MASP1: variants seen among roughly 807,000 people sequenced by gnomAD.
MASP1 encodes the protein MBL associated serine protease 1, also known as mannan-binding lectin serine protease 1.
In MASP1, 59 loss-of-function variants were observed where a neutral mutation model predicts 77.1. That is an observed-to-expected ratio of 0.77 (90% confidence interval 0.62 to 0.95). The LOEUF (loss-of-function observed/expected upper bound fraction) is 0.95, where lower values mean the gene tolerates loss of function less well. Among genes scored for constraint, MASP1 ranks in the 40% least tolerant of loss-of-function variants. The pLI, the probability that MASP1 is intolerant of heterozygous loss-of-function variation, is 0.00. For synonymous variants in MASP1, 362 were observed against 354.5 expected (o/e 1.02, Z -0.24); for missense variants, 885 against 912.9 (o/e 0.97, Z 0.39).
intron 14 of MASP1, among the ~76,000 whole-genome samples, chr3:187,222,321 C>A (rs960894236): frequency 2.2e-4 from 34 of 152,268 alleles, no homozygotes; most frequent in African/African-American, 7.7e-4. Context: ...GGCCAGGGAC[C>A]AGATCTATCC....
intron 13 of MASP1, among the ~76,000 whole-genome samples, chr3:187,223,445 C>T (rs1264148374): frequency 3.3e-5 from 5 of 152,224 alleles, no homozygotes; most frequent in African/African-American, 9.7e-5. Context: ...GTCCCACCCT[C>T]AACTAGTCTG....
intron 10 of MASP1, among the ~76,000 whole-genome samples, chr3:187,236,896 C>T (rs1713234131): frequency 6.6e-6 from 1 of 152,200 alleles, no homozygotes; most frequent in Non-Finnish European, 1.5e-5. Flanking sequence ...CATCTATTTC[C>T]AGTAGTGGTC....
At chr3:187,259,107 A>G (rs775074136) in intron 4 of MASP1, among the ~76,000 whole-genome samples, 8 of 152,216 alleles carry the variant, frequency 5.3e-5, no homozygotes, top group Non-Finnish European at 8.8e-5. Flanking sequence ...CTGGGAACCC[A>G]GACGTGACTT....
rs905604454 is a variant in MASP1, at chr3:187,235,429, T to G, written c.*255A>C. The G allele has an allele frequency of 6.7e-7, 1 of 1,496,118 alleles. No individual in the cohort carries two copies. The highest frequency in any genetic ancestry group is 8.9e-7 in the Non-Finnish European group (1 of 1,122,946). The allele number at this position is 1,496,118 out of a possible 1,614,324, so 92.7% of individuals were successfully genotyped here. ...AGAGGCCTTGGTTGAGCTCCTGCAT[T>G]GTATTACTCGGTAGAGTGAGGCCCA... On this transcript the variant is annotated 3_prime_UTR_variant, in exon 11 of 11. Transcript: ENST00000296280.
At chr3:187,246,284 T>C (rs1442656792) in intron 8 of MASP1, 1 of 588,472 alleles carries the variant, frequency 1.7e-6, no homozygotes, top group East Asian at 1.4e-4. Flanking sequence ...TTACAATTAT[T>C]TGGGTACATA....
At chr3:187,222,618 A>G (rs796646392) in intron 14 of MASP1, among the ~76,000 whole-genome samples, 32 of 152,028 alleles carry the variant, frequency 2.1e-4, no homozygotes, top group African/African-American at 7.7e-4. Context: ...CTTGCTTCAG[A>G]TGACCCAGCA....
At chr3:187,271,837 T>C (rs751961625) in intron 2 of MASP1, among the ~76,000 whole-genome samples, 2 of 152,186 alleles carry the variant, frequency 1.3e-5, no homozygotes, top group Non-Finnish European at 2.9e-5. Context: ...CCCCCTTGTC[T>C]TCCCTTCATC....
chr3:187,279,072 T>G (rs1717197984), intron 2 of MASP1, among the ~76,000 whole-genome samples: 1 of 152,098 alleles, frequency 6.6e-6, no homozygotes, highest in African/African-American at 2.4e-5. Context: ...TGAAACAAGC[T>G]GCTATGAATT....
In MASP1 at chr3:187,284,369, C is replaced by T. The variant is rs114799577; in HGVS notation, c.237+1456G>A. ...ATAACTGGTGGGGCCGGGGCTGCTA[C>T]TGGCACCTAGTTAGGGTAGAAGCTA... On this transcript the variant is annotated intron_variant, in intron 2 of 10. Transcript: ENST00000296280. Among the ~76,000 whole-genome samples, 691 of 152,278 alleles carry T rather than the reference C, an allele frequency of 4.5e-3. 6 individuals are homozygous for T. Among genetic ancestry groups the T allele is most frequent in the African/African-American group, 0.016 (666 of 41,566 alleles).
At chr3:187,263,347 A>T (rs1428555138) in intron 2 of MASP1, 1 of 154,014 alleles carries the variant, frequency 6.5e-6, no homozygotes, top group Non-Finnish European at 1.4e-5. Flanking sequence ...TATTTTCTTT[A>T]TAGATGTGTC....
intron 2 of MASP1, among the ~76,000 whole-genome samples, chr3:187,277,509 T>G (rs1108450): frequency 0.21 from 31,392 of 152,166 alleles, 3,686 homozygotes; most frequent in African/African-American, 0.33. Context: ...TCAAGGACCT[T>G]CTGTTTTACT....
chr3:187,235,747 C>G lies in MASP1; in HGVS notation c.2124G>C (p.Val708=). The G allele has an allele frequency of 1.9e-6, 3 of 1,614,186 alleles. No homozygotes were observed. Among genetic ancestry groups the G allele is most frequent in the Non-Finnish European group, 2.5e-6 (3 of 1,180,032 alleles). Residue 708 remains valine (V), a synonymous_variant, in exon 11 of 11, where the codon GTG becomes GTC. Transcript: ENST00000296280. ...YGVYTKVSNY[V]DWVWEQMGLP... ...AGCCCATCTGCTCCCACACCCAGTC[C>G]ACGTAATTGGAGACCTTTGTGTAGA...
In MASP1 at chr3:187,241,531, C is replaced by T. The variant is rs1298438990; in HGVS notation, c.1253G>A (p.Gly418Glu). Residue 418 changes from glycine to glutamate, a missense_variant, in exon 10 of 11, where the codon GGA becomes GAA. By Grantham distance (98) the Gly-to-Glu change is moderately conservative. Coordinates refer to ENST00000296280, the MANE Select transcript of MASP1 (RefSeq NM_139125.4). ...NTGIYTCSAQ[G>E]VWMNKVLGRS... ...CCCCAATACTTTATTCATCCAGACT[C>T]CTTGGGCAGAACAGGTATATATACC... The T allele has an allele frequency of 2.3e-5, 37 of 1,613,538 alleles. No individual in the cohort carries two copies. The highest frequency in any genetic ancestry group is 3.1e-5 in the Non-Finnish European group (37 of 1,179,672).
downstream of MASP1, among the ~76,000 whole-genome samples, chr3:187,233,769 T>C (rs1194226138): frequency 6.6e-6 from 1 of 152,198 alleles, no homozygotes; most frequent in Non-Finnish European, 1.5e-5. Context: ...CAATGTCACA[T>C]TGGGACTAGA....
chr3:187,222,688 T>C (rs1258890230), intron 14 of MASP1, among the ~76,000 whole-genome samples: 3 of 151,862 alleles, frequency 2.0e-5, no homozygotes, highest in Non-Finnish European at 4.4e-5. Flanking sequence ...GTGTTTTTTT[T>C]TTTTTTCCTT....
downstream of MASP1, chr3:187,234,052 C>T (rs1712927620): frequency 8.3e-7 from 1 of 1,207,438 alleles, no homozygotes; most frequent in Non-Finnish European, 1.1e-6. Context: ...ACACACTTCC[C>T]CAACAATAAC....
At chr3:187,283,396 T>C (rs1034075572) in intron 2 of MASP1, among the ~76,000 whole-genome samples, 1 of 152,246 alleles carries the variant, frequency 6.6e-6, no homozygotes, top group East Asian at 1.9e-4. Flanking sequence ...ACTCCACTTA[T>C]TTGGAGCAAA....
At chr3:187,241,307 GAGA>G (rs1394163431) in intron 10 of MASP1, among the ~76,000 whole-genome samples, 171 bp downstream of exon 10, 2 of 152,190 alleles carry the variant, frequency 1.3e-5, no homozygotes, top group Admixed American at 6.5e-5. Context: ...AGGCTGGTTT[GAGA>G]AGGTGTGAAG....
intron 2 of MASP1, among the ~76,000 whole-genome samples, chr3:187,267,037 G>T (rs1716093681): frequency 6.6e-6 from 1 of 152,224 alleles, no homozygotes; most frequent in Non-Finnish European, 1.5e-5. Context: ...AGAGAAAGCA[G>T]CCCAGGGGGG....
Sources: gnomAD v4.1 joint callset for allele counts (sites outside exome capture counted in the v4.1 genomes callset) on GRCh38, gnomAD v4.1.1 for gene constraint, MANE v1.5 for transcripts, NCBI Gene and HGNC (gene_info 2026-07-23, HGNC 2026-07-21) for gene names.